Variants in DEFB109B observed in about 807,000 individuals in gnomAD.
The protein encoded by DEFB109B is beta-defensin 109B.
At chr8:7,313,818 C>T (rs1802769690) in intron 1 of DEFB109B, among the ~76,000 whole-genome samples, 3 of 128,806 alleles carry the variant, frequency 2.3e-5, no homozygotes, top group Admixed American at 2.1e-4. Flanking sequence ...AAGTCTAATA[C>T]ACTTTATAAT....
rs1232353658 is a variant in DEFB109B at position 7,319,630 on chromosome 8, G to T, written n.59-116G>T. ...TCTCTGACATATGAGCAGCAACCAT[G>T]TCAAGAGCTCCCACATAAAAACGTT... On this transcript the variant is annotated intron_variant and non_coding_transcript_variant, in intron 1 of 1. Transcript: ENST00000382656. 1,071 of 136,986 alleles carry T rather than the reference G, an allele frequency of 7.8e-3. 93 individuals are homozygous for T. The highest frequency in any genetic ancestry group is 0.034 in the African/African-American group (954 of 28,442). The allele number at this position is 136,986 out of a possible 1,614,324, so 8.5% of individuals were successfully genotyped here. A position where few individuals can be genotyped will look rare whatever the true frequency, so the allele number is the denominator to read the frequency against.
chr8:7,310,434 G>A (rs1415919510), upstream of DEFB109B, among the ~76,000 whole-genome samples: 1 of 93,972 alleles, frequency 1.1e-5, no homozygotes, highest in Non-Finnish European at 1.9e-5. Context: ...AGATACACAA[G>A]GTTCGAAAAC....
intron 1 of DEFB109B, among the ~76,000 whole-genome samples, chr8:7,315,496 CAAAAAAA>C (rs140776655): frequency 1.1e-5 from 1 of 93,992 alleles, no homozygotes. Context: ...GAGACTCCGT[CAAAAAAA>C]AAAAAAAAAA....
intron 1 of DEFB109B, among the ~76,000 whole-genome samples, chr8:7,315,596 T>C (rs1247313406): frequency 7.5e-6 from 1 of 132,654 alleles, no homozygotes; most frequent in East Asian, 2.1e-4. Context: ...GTGAGTGTGT[T>C]TGGGCCCCTA....
chr8:7,317,517 A>G (rs1803034842), intron 1 of DEFB109B, among the ~76,000 whole-genome samples: 1 of 139,224 alleles, frequency 7.2e-6, no homozygotes, highest in African/African-American at 3.2e-5. Flanking sequence ...ATCGTCTAAA[A>G]TGTATTTGTT....
At chr8:7,319,388 C>T (rs1425673306) in intron 1 of DEFB109B, 3 of 145,430 alleles carry the variant, frequency 2.1e-5, no homozygotes, top group Non-Finnish European at 4.4e-5. Context: ...CTGTATCAGC[C>T]ACAAGGTGGA....
chr8:7,319,831 T>C (rs1221178373), exon 2 of DEFB109B: 1 of 113,540 alleles, frequency 8.8e-6, no homozygotes, highest in East Asian at 2.5e-4. Context: ...TAGTAGAAGA[T>C]CAAATTGGTG....
At chr8:7,315,672 C>G (rs1390613371) in intron 1 of DEFB109B, among the ~76,000 whole-genome samples, 1 of 131,932 alleles carries the variant, frequency 7.6e-6, no homozygotes, top group East Asian at 2.1e-4. Context: ...CACTTGTTTC[C>G]TTCTTATCTC....
chr8:7,312,094 T>TGG (rs1213065147), upstream of DEFB109B, among the ~76,000 whole-genome samples: 248 of 76,386 alleles, frequency 3.2e-3, 2 homozygotes, highest in African/African-American at 0.025. Flanking sequence ...TTTACTTGGG[T>TGG]GGGGGGGGGG....
At chr8:7,312,936 C>G in intron 1 of DEFB109B, 33 bp downstream of exon 1, 1 of 135,848 alleles carries the variant, frequency 7.4e-6, no homozygotes, top group East Asian at 2.0e-4. Context: ...TAAGGTTCTG[C>G]AGATGAGAAT....
chr8:7,313,752 A>G (rs1451975677), intron 1 of DEFB109B, among the ~76,000 whole-genome samples: 1 of 138,652 alleles, frequency 7.2e-6, no homozygotes, highest in Admixed American at 6.7e-5. Context: ...TAAATACAAA[A>G]TATAAATTAA....
At chr8:7,315,916 AG>A (rs1320566104) in intron 1 of DEFB109B, among the ~76,000 whole-genome samples, 1 of 99,790 alleles carries the variant, frequency 1.0e-5, no homozygotes, top group Non-Finnish European at 1.8e-5. Context: ...TCTAAACAAA[AG>A]TAAAAGTTCA....
intron 1 of DEFB109B, among the ~76,000 whole-genome samples, chr8:7,316,521 A>G (rs1334654511): frequency 1.4e-5 from 1 of 72,828 alleles, no homozygotes; most frequent in Non-Finnish European, 2.3e-5. Context: ...ATATCATTTA[A>G]GCATTTTTTT....
At chr8:7,319,836 T>C (rs1432102472) in exon 2 of DEFB109B, 1 of 106,838 alleles carries the variant, frequency 9.4e-6, no homozygotes, top group South Asian at 3.5e-4. Flanking sequence ...GAAGATCAAA[T>C]TGGTGCCTGC....
At chr8:7,312,079 T>A (rs536428446), upstream of DEFB109B, among the ~76,000 whole-genome samples, 1 of 106,990 alleles carries the variant, frequency 9.3e-6, no homozygotes, top group South Asian at 2.7e-4. Flanking sequence ...ATATTAGTAG[T>A]TCCCTTTACT....
At chr8:7,319,622 G>T (rs1279521795) in intron 1 of DEFB109B, 124 bp from the exon 2 acceptor site, 1 of 142,576 alleles carries the variant, frequency 7.0e-6, no homozygotes, top group Non-Finnish European at 1.5e-5. Context: ...CATATGAGCA[G>T]CAACCATGTC....
chr8:7,315,431 G>A (rs539853034), intron 1 of DEFB109B, among the ~76,000 whole-genome samples: 18 of 135,136 alleles, frequency 1.3e-4, no homozygotes, highest in African/African-American at 2.2e-4. Flanking sequence ...CCCTGGAGGC[G>A]GAGGTTGCGG....
At chr8:7,319,810 T>C (rs1195112187) in exon 2 of DEFB109B, 12 of 132,280 alleles carry the variant, frequency 9.1e-5, no homozygotes, top group Admixed American at 8.1e-4. Context: ...GCAGAACAGA[T>C]GTCTGCAACA....
intron 1 of DEFB109B, among the ~76,000 whole-genome samples, chr8:7,317,300 C>T (rs1234885248): frequency 6.9e-6 from 1 of 145,082 alleles, no homozygotes; most frequent in African/African-American, 2.9e-5. Flanking sequence ...TTCTGATGGC[C>T]CAAGAGTCAG....
Sources: gnomAD v4.1 joint callset for allele counts (sites outside exome capture counted in the v4.1 genomes callset) on GRCh38, gnomAD v4.1.1 for gene constraint, MANE v1.5 for transcripts, NCBI Gene and HGNC (gene_info 2026-07-23, HGNC 2026-07-21) for gene names.